CHD5: variants seen among roughly 807,000 people sequenced by gnomAD.
CHD5 encodes the protein chromodomain helicase DNA binding protein 5, also known as ATP-dependent chromatin remodeler CHD5.
A neutral mutation model predicts 230.3 loss-of-function variants in CHD5; 69 were observed. The ratio of observed to expected loss-of-function variants is 0.30; its 90% CI spans 0.25 to 0.37. CHD5 has a LOEUF of 0.37. Ranked by LOEUF, CHD5 falls within the 10% of genes least tolerant of loss-of-function variation. The probability of loss-of-function intolerance (pLI) is 1.00; values close to 1 mark genes in which losing one functional copy is unlikely to be tolerated. For synonymous variants in CHD5, 1,064 were observed against 1,065.9 expected (o/e 1.00, Z 0.03); for missense variants, 1,827 against 2,622.8 (o/e 0.70, Z 6.63).
chr1:6,161,927 G>A (rs878959805), intron 2 of CHD5, among the ~76,000 whole-genome samples: 14 of 152,180 alleles, frequency 9.2e-5, no homozygotes, highest in East Asian at 3.9e-4. Context: ...AGGGACCCAC[G>A]GTTAATCCTA....
Position 6,131,818 on chromosome 1 carries a change from C to A in CHD5, c.3145-70G>T. 1 of 921,494 alleles carries A rather than the reference C, an allele frequency of 1.1e-6. No homozygotes were observed. Among genetic ancestry groups the A allele is most frequent in the South Asian group, 1.4e-5 (1 of 70,454 alleles). The allele number at this position is 921,494 out of a possible 1,614,324, so 57.1% of individuals were successfully genotyped here. On this transcript the variant is annotated intron_variant, in intron 20 of 41. Coordinates refer to ENST00000262450, the MANE Select transcript of CHD5 (RefSeq NM_015557.3). This position sits in a 1 kb window ranked among gnomAD's most constrained non-coding sequence, Gnocchi z 5.0. The stretch of plus-strand genomic sequence containing the variant: ...GCCCCATGGGCCATGGGCGGGGACC[C>A]CGCCACAGGCAGGGGAGGAGAGAGC...
At chr1:6,119,561 G>T (rs1666432426) in intron 33 of CHD5, among the ~76,000 whole-genome samples, 1 of 152,154 alleles carries the variant, frequency 6.6e-6, no homozygotes, top group African/African-American at 2.4e-5. Flanking sequence ...ATAAGAAAGA[G>T]ATTAATCCAT....
In CHD5 at chr1:6,131,346, C is replaced by T. The variant is rs1385759590; in HGVS notation, c.3262+285G>A. Among the ~76,000 whole-genome samples the T allele has an allele frequency of 6.6e-6, 1 of 152,238 alleles. No individual in the cohort carries two copies. Among genetic ancestry groups the T allele is most frequent in the South Asian group, 2.1e-4 (1 of 4,832 alleles). On this transcript the variant is annotated intron_variant, in intron 21 of 41. Coordinates refer to ENST00000262450, the MANE Select transcript of CHD5 (RefSeq NM_015557.3). This position sits in a 1 kb window ranked among gnomAD's most constrained non-coding sequence, Gnocchi z 5.0. ...TCACCATACGGCAGGCTCTGTCCAA[C>T]ACCACTTGTAACTGGGGCTCACCTG...
Position 6,167,365 on chromosome 1 carries a change from A to T in CHD5, c.207+785T>A, listed in dbSNP as rs1395461976. 6.6e-6 allele frequency among the ~76,000 whole-genome samples: 1 copy of T among 152,172 alleles called. No individual in the cohort carries two copies. Among genetic ancestry groups the T allele is most frequent in the Non-Finnish European group, 1.5e-5 (1 of 68,032 alleles). On this transcript the variant is annotated intron_variant, in intron 2 of 41. Transcript: ENST00000262450. The surrounding 1 kb of genome is among the most constrained non-coding windows in gnomAD (Gnocchi z 4.5). ...TGAGGTGCTTGCCATTGCTCTCAAC[A>T]TAGGGTCGCTTGGAGGATCAGAGGA...
rs911591473 is a variant in CHD5 at position 6,123,930 on chromosome 1, C to T, written c.4699+18G>A. ...TCCATGACCCCAGTGCCCTCCCCGG[C>T]CCGCCCAGCCCACAGACCTGGCAGG... is the stretch of plus-strand genomic sequence containing the variant. On this transcript the variant is annotated intron_variant, in intron 31 of 41. Coordinates refer to ENST00000262450, the MANE Select transcript of CHD5 (RefSeq NM_015557.3). The T allele has an allele frequency of 2.8e-6, 4 of 1,435,306 alleles. No homozygotes were observed. The highest frequency in any genetic ancestry group is 6.7e-5 in the Admixed American group (2 of 29,990). 88.9% of individuals were successfully genotyped at this position (1,435,306 alleles called of 1,614,324 possible).
chr1:6,164,547 G>T (rs940225527), intron 2 of CHD5, among the ~76,000 whole-genome samples: 3 of 152,148 alleles, frequency 2.0e-5, no homozygotes, highest in Non-Finnish European at 4.4e-5. Flanking sequence ...ACTGCTGCTT[G>T]CGGCCCACCT....
intron 3 of CHD5, among the ~76,000 whole-genome samples, chr1:6,158,990 G>C (rs1667122072): frequency 8.3e-6 from 1 of 119,800 alleles, no homozygotes; most frequent in Non-Finnish European, 1.7e-5. Flanking sequence ...CTGGGCGACA[G>C]AGCGAGACTC....
At chr1:6,145,896 C>T (rs535456757) in intron 11 of CHD5, among the ~76,000 whole-genome samples, 13 of 152,222 alleles carry the variant, frequency 8.5e-5, no homozygotes, top group Admixed American at 7.2e-4. Context: ...ACACCTCGGG[C>T]GTCCCTCGTC....
intron 15 of CHD5, among the ~76,000 whole-genome samples, chr1:6,140,015 G>A (rs998655896): frequency 3.3e-5 from 5 of 152,322 alleles, no homozygotes; most frequent in African/African-American, 7.2e-5. Context: ...GGGCCTGTGC[G>A]AGGATCCACC....
chr1:6,162,396 A>T (rs1447720156), intron 2 of CHD5, among the ~76,000 whole-genome samples: 2 of 151,982 alleles, frequency 1.3e-5, no homozygotes, highest in African/African-American at 4.8e-5. Context: ...CAAAAAAAAA[A>T]AGAAAAGAAA....
chr1:6,147,878 G>C (rs1349064978), intron 9 of CHD5, among the ~76,000 whole-genome samples: 1 of 152,118 alleles, frequency 6.6e-6, no homozygotes, highest in East Asian at 1.9e-4. Context: ...GGCAGGAAAG[G>C]CTCCTCCACT....
rs1666117086 is a variant in CHD5 at position 6,103,985 on chromosome 1, G to C, written c.*1489C>G. 1 of 152,380 alleles carries C rather than the reference G, an allele frequency of 6.6e-6. No homozygotes were observed. The highest frequency in any genetic ancestry group is 1.5e-5 in the Non-Finnish European group (1 of 68,196). 9.4% of individuals were successfully genotyped at this position (152,380 alleles called of 1,614,324 possible). On this transcript the variant is annotated 3_prime_UTR_variant, in exon 42 of 42. Transcript: ENST00000262450. Reference sequence around the variant, plus strand: ...CGTGTGCACCTCCACCCCAGGCCCAGCTGGGTTTTTCACGCAGCCCTTTCC... The same window carrying C: ...CGTGTGCACCTCCACCCCAGGCCCACCTGGGTTTTTCACGCAGCCCTTTCC...
At position 6,101,906 on chromosome 1, in the gene CHD5, A is replaced by T; in HGVS notation, c.*3568T>A. On this transcript the variant is annotated 3_prime_UTR_variant, in exon 42 of 42. Coordinates refer to ENST00000262450, the MANE Select transcript of CHD5 (RefSeq NM_015557.3). Reference sequence around the variant, plus strand: ...GTCCAGCCTCCCGTGGGCGAAGACCAGACAAGCCACGGCTCACAGGGGAGC... The same window carrying T: ...GTCCAGCCTCCCGTGGGCGAAGACCTGACAAGCCACGGCTCACAGGGGAGC... 3.0e-6 allele frequency: 1 copy of T among 329,380 alleles called. No homozygotes were observed. The highest frequency in any genetic ancestry group is 6.0e-6 in the Non-Finnish European group (1 of 166,340). The allele number at this position is 329,380 out of a possible 1,614,324, so 20.4% of individuals were successfully genotyped here. A position where few individuals can be genotyped will look rare whatever the true frequency, so the allele number is the denominator to read the frequency against.
At chr1:6,123,044 G>A (rs1266844091) in intron 31 of CHD5, among the ~76,000 whole-genome samples, 3 of 150,910 alleles carry the variant, frequency 2.0e-5, no homozygotes, top group East Asian at 1.9e-4. Flanking sequence ...TCCAGCCTGG[G>A]CAACAAGAGC....
At chr1:6,161,825 G>A (rs551486997) in intron 2 of CHD5, among the ~76,000 whole-genome samples, 48 of 152,328 alleles carry the variant, frequency 3.2e-4, no homozygotes, top group Admixed American at 2.8e-3. Context: ...TCAGCACCAC[G>A]GACAGAGGCT....
intron 1 of CHD5, among the ~76,000 whole-genome samples, chr1:6,179,362 G>A (rs1557568703): frequency 1.3e-5 from 2 of 152,110 alleles, no homozygotes; most frequent in South Asian, 2.1e-4. Flanking sequence ...AGAGGAGCAG[G>A]GGTCCGAGCC....
At position 6,154,394 on chromosome 1, in the gene CHD5, AG is replaced by A. The variant is rs1667049294; in HGVS notation, c.745+265del. Among the ~76,000 whole-genome samples, 1 of 152,156 alleles carries A rather than the reference AG, an allele frequency of 6.6e-6. No homozygotes were observed. On this transcript the variant is annotated intron_variant, in intron 5 of 41. Coordinates refer to ENST00000262450, the MANE Select transcript of CHD5 (RefSeq NM_015557.3). The surrounding 1 kb of genome is among the most constrained non-coding windows in gnomAD (Gnocchi z 7.0). ...CGTCGGGGGCACCTCCTGGCTGGCC[AG>A]GCTCAAACCTCCCAGACCTCTGCCC...
At position 6,126,814 on chromosome 1, in the gene CHD5, C is replaced by G; in HGVS notation, c.3904-68G>C. The stretch of plus-strand genomic sequence containing the variant: ...TGCCCTCCCGGAAGCCTCAGGCTGC[C>G]TCCACCTGACCTGCCCTTTGCCCCC... On this transcript the variant is annotated intron_variant, in intron 25 of 41. Transcript: ENST00000262450. This position sits in a 1 kb window ranked among gnomAD's most constrained non-coding sequence, Gnocchi z 5.7. 3 of 1,475,178 alleles carry G rather than the reference C, an allele frequency of 2.0e-6. No homozygotes were observed. Among genetic ancestry groups the G allele is most frequent in the Non-Finnish European group, 2.8e-6 (3 of 1,072,792 alleles). The allele number at this position is 1,475,178 out of a possible 1,614,324, so 91.4% of individuals were successfully genotyped here. A position where few individuals can be genotyped will look rare whatever the true frequency, so the allele number is the denominator to read the frequency against.
chr1:6,179,724 C>CACGCCCTTAG (rs1488796750), intron 1 of CHD5, among the ~76,000 whole-genome samples: 1 of 123,650 alleles, frequency 8.1e-6, no homozygotes, highest in Non-Finnish European at 1.7e-5. Flanking sequence ...CGGATCGCAC[C>CACGCCCTTAG]CCGCCCTTAG....
Sources: gnomAD v4.1 joint callset for allele counts (sites outside exome capture counted in the v4.1 genomes callset) on GRCh38, gnomAD v4.1.1 for gene constraint, Gnocchi (gnomAD v3.1) non-coding constraint, MANE v1.5 for transcripts, NCBI Gene and HGNC (gene_info 2026-07-23, HGNC 2026-07-21) for gene names.